The following KATNAL2 variants were observed in gnomAD, a reference collection of about 807,000 sequenced individuals.
KATNAL2 encodes the protein katanin p60 ATPase-containing subunit A-like 2.
A neutral mutation model predicts 76.3 loss-of-function variants in KATNAL2; 52 were observed. That is an observed-to-expected ratio of 0.68 (90% CI 0.55 to 0.86). KATNAL2 has a LOEUF of 0.86. Ranked by LOEUF, KATNAL2 falls within the 40% of genes least tolerant of loss-of-function variation. KATNAL2 has a pLI of 0.00. For synonymous variants in KATNAL2, 243 were observed against 244.2 expected (o/e 1.00, Z 0.05); for missense variants, 660 against 668.9 (o/e 0.99, Z 0.15).
chr18:46,946,965 C>T (rs1018654262), intron 3 of KATNAL2, 42 bp downstream of exon 3: 8 of 1,265,190 alleles, frequency 6.3e-6, no homozygotes, highest in Non-Finnish European at 8.9e-6. Context: ...CCAAGAACCC[C>T]TCTCCTACTG....
intron 3 of KATNAL2, among the ~76,000 whole-genome samples, chr18:47,037,596 G>A (rs370492854): frequency 8.5e-5 from 13 of 152,188 alleles, no homozygotes; most frequent in African/African-American, 2.2e-4. Context: ...GCAGAAAGAT[G>A]TAGATCTGGC....
In KATNAL2 at chr18:47,099,376, A is replaced by G; in HGVS notation, c.1345A>G (p.Thr449Ala). Residue 449 changes from threonine to alanine, a missense_variant, in exon 16 of 18, where the codon ACA becomes GCA. Coordinates refer to ENST00000683218, the MANE Select transcript of KATNAL2 (RefSeq NM_001387690.1). ...CAAGAGCAGGGCCTTGGAGCTGCAC[A>G]CAGAGCTGGAGTACAGTGTGCTGAG... ...VSKSRALELH[T>A]ELEYSVLSQE... 6.2e-7 allele frequency: 1 copy of G among 1,613,858 alleles called. No individual in the cohort carries two copies. Among genetic ancestry groups the G allele is most frequent in the Non-Finnish European group, 8.5e-7 (1 of 1,179,838 alleles).
At chr18:47,034,732 AG>A in intron 3 of KATNAL2, 2 of 1,612,786 alleles carry the variant, frequency 1.2e-6, no homozygotes, top group South Asian at 1.1e-5. Flanking sequence ...GGGCATCCGG[AG>A]GGGAGCTGTG....
At chr18:47,033,420 T>C (rs762763635) in intron 3 of KATNAL2, 1 of 1,613,602 alleles carries the variant, frequency 6.2e-7, no homozygotes, top group South Asian at 1.1e-5. Context: ...GCCGCTGCTC[T>C]GGGGCGTCCG....
At chr18:47,046,729 T>C (rs1439573904) in intron 4 of KATNAL2, among the ~76,000 whole-genome samples, 13 of 152,286 alleles carry the variant, frequency 8.5e-5, no homozygotes. Flanking sequence ...ATTGATGTGG[T>C]TTATTACTAC....
In KATNAL2 at chr18:47,058,260, C is replaced by T; in HGVS notation, c.358C>T (p.Leu120Phe). Residue 120 changes from leucine to phenylalanine, a missense_variant, in exon 7 of 18, where the codon CTT (leucine) becomes TTT (phenylalanine). By Grantham distance (22) the Leu-to-Phe change is conservative. Transcript: ENST00000683218. The part of the protein sequence containing the change: ...RRMMNDSCQN[L>F]PKINQQRPRS... ...GATGATGAACGACAGTTGTCAAAAT[C>T]TTCCCAAGATCAATCAGCAGAGGCC... 6.2e-7 allele frequency: 1 copy of T among 1,613,808 alleles called. No individual in the cohort carries two copies. Among genetic ancestry groups the T allele is most frequent in the Non-Finnish European group, 8.5e-7 (1 of 1,179,720 alleles).
chr18:47,042,930 TA>T (rs2061010728), intron 3 of KATNAL2, among the ~76,000 whole-genome samples: 1 of 152,066 alleles, frequency 6.6e-6, no homozygotes. Flanking sequence ...ACCCTAGGGT[TA>T]AAAATGAGAT....
At chr18:47,046,012 G>A (rs1417019654) in intron 3 of KATNAL2, among the ~76,000 whole-genome samples, 1 of 152,208 alleles carries the variant, frequency 6.6e-6, no homozygotes, top group Non-Finnish European at 1.5e-5. Flanking sequence ...TCTGCATTTG[G>A]CAAGGACTGG....
chr18:46,947,444 A>T (rs532471052), intron 3 of KATNAL2, among the ~76,000 whole-genome samples: 2 of 152,094 alleles, frequency 1.3e-5, no homozygotes, highest in African/African-American at 4.8e-5. Context: ...CGAAGATTAC[A>T]TGAGCTCTAC....
intron 1 of KATNAL2, among the ~76,000 whole-genome samples, chr18:46,933,200 TA>T (rs138913039): frequency 1.1e-4 from 16 of 151,938 alleles, no homozygotes; most frequent in Middle Eastern, 3.4e-3. Flanking sequence ...AAAGCTGGAT[TA>T]AAAAAAATAG....
At chr18:47,069,451 G>T (rs775361520) in intron 12 of KATNAL2, 31 bp from the exon 13 acceptor site, 18 of 1,533,590 alleles carry the variant, frequency 1.2e-5, no homozygotes, top group Non-Finnish European at 1.5e-5. Flanking sequence ...GAGTTGAAAT[G>T]CCTGCTCATC....
chr18:46,925,552 G>C (rs1335608961), intron 1 of KATNAL2, among the ~76,000 whole-genome samples: 3 of 151,990 alleles, frequency 2.0e-5, no homozygotes, highest in Non-Finnish European at 4.4e-5. Flanking sequence ...TCTTTTTTTG[G>C]TTGTGTCTCT....
intron 15 of KATNAL2, among the ~76,000 whole-genome samples, chr18:47,082,838 A>G (rs957280265): frequency 6.6e-6 from 1 of 152,190 alleles, no homozygotes; most frequent in African/African-American, 2.4e-5. Context: ...AATGTGCATG[A>G]AAGTATGGTA....
intron 1 of KATNAL2, among the ~76,000 whole-genome samples, chr18:46,928,028 G>A (rs2058783552): frequency 2.0e-5 from 3 of 151,972 alleles, no homozygotes; most frequent in South Asian, 2.1e-4. Flanking sequence ...CCATTGGTTC[G>A]AATTTCCTCC....
rs532307492 is a variant in KATNAL2, at chr18:47,032,668, A to T, written c.52-13789A>T. The stretch of plus-strand genomic sequence containing the variant: ...GTTCTTATCTACTTGATTTCGAAAA[A>T]AAAAAGAAAGGAAAAAGGAAATCTC... On this transcript the variant is annotated intron_variant, in intron 3 of 17. Transcript: ENST00000683218. The T allele has an allele frequency of 7.9e-6, 3 of 381,724 alleles. No individual in the cohort carries two copies. The South Asian group carries it at 1.0e-4, about 13-fold the overall frequency. The allele number at this position is 381,724 out of a possible 1,614,324, so 23.6% of individuals were successfully genotyped here. A position where few individuals can be genotyped will look rare whatever the true frequency, so the allele number is the denominator to read the frequency against.
chr18:47,078,423 C>T (rs1261545012), intron 15 of KATNAL2, among the ~76,000 whole-genome samples: 1 of 152,162 alleles, frequency 6.6e-6, no homozygotes, highest in African/African-American at 2.4e-5. Flanking sequence ...ATCTAGAATA[C>T]TTTCTCTACT....
At chr18:47,076,882 A>G (rs2062259816) in intron 14 of KATNAL2, among the ~76,000 whole-genome samples, 1 of 151,366 alleles carries the variant, frequency 6.6e-6, no homozygotes, top group Admixed American at 6.6e-5. Flanking sequence ...TAAGGGGCAT[A>G]GATCCTAAAA....
intron 15 of KATNAL2, among the ~76,000 whole-genome samples, chr18:47,093,978 G>A (rs1169298210): frequency 6.6e-6 from 1 of 152,166 alleles, no homozygotes; most frequent in Non-Finnish European, 1.5e-5. Flanking sequence ...GTCTGAATGT[G>A]TTCCTCAAAA....
In KATNAL2 at chr18:47,100,260, G is replaced by C; in HGVS notation, c.1381G>C (p.Glu461Gln). 1 of 1,613,830 alleles carries C rather than the reference G, an allele frequency of 6.2e-7. No individual in the cohort carries two copies. Among genetic ancestry groups the C allele is most frequent in the East Asian group, 2.2e-5 (1 of 44,894 alleles). ...GGTTTTTTGGCTGTTTCAGGAGACT[G>C]AGGGCTACTCAGGCTCAGATATTAA... ...LEYSVLSQET[E>Q]GYSGSDIKLV... Residue 461 changes from glutamate (E) to glutamine (Q), a missense_variant, in exon 17 of 18, where the codon GAG (glutamate) becomes CAG (glutamine). Coordinates refer to ENST00000683218, the MANE Select transcript of KATNAL2 (RefSeq NM_001387690.1).
Sources: allele counts gnomAD v4.1 joint callset (sites outside exome capture counted in the v4.1 genomes callset), GRCh38; gene constraint gnomAD v4.1.1; transcripts MANE v1.5; gene names NCBI Gene and HGNC (gene_info 2026-07-23, HGNC 2026-07-21).